Variants in DSCAML1 observed in about 807,000 individuals in gnomAD.
The protein encoded by DSCAML1 is DS cell adhesion molecule like 1.
DSCAML1 carries 38 observed loss-of-function variants against 200.5 expected under a neutral mutation model. The ratio of observed to expected loss-of-function variants is 0.19; its 90% CI spans 0.15 to 0.25. The LOEUF is 0.25. Among genes scored for constraint, DSCAML1 ranks in the 10% least tolerant of loss-of-function variants. The pLI is 1.00. For missense variants in DSCAML1, 2,223 were observed against 2,858.8 expected (o/e 0.78, Z 5.07); for synonymous variants, 1,215 against 1,165.0 (o/e 1.04, Z -0.87).
intron 3 of DSCAML1, among the ~76,000 whole-genome samples, chr11:117,670,139 T>C (rs866646245): frequency 7.9e-5 from 12 of 152,290 alleles, no homozygotes; most frequent in African/African-American, 2.9e-4. Context: ...CAGTATACTG[T>C]GGGGGCACCT....
chr11:117,745,361 C>G (rs572238294), intron 3 of DSCAML1, among the ~76,000 whole-genome samples: 1 of 152,238 alleles, frequency 6.6e-6, no homozygotes, highest in South Asian at 2.1e-4. Flanking sequence ...AAAAACAAAA[C>G]CAGGGCAGGC....
Position 117,779,459 on chromosome 11 carries a change from C to T in DSCAML1, c.364+1034G>A, listed in dbSNP as rs189088107. ...TACTCTTCCAAAGACCAAAATCCTT[C>T]ACTGCTAAAAGTCTTTCATCGTGAA... On this transcript the variant is annotated intron_variant, in intron 2 of 32. Coordinates refer to ENST00000651296, the MANE Select transcript of DSCAML1 (RefSeq NM_020693.4). Among the ~76,000 whole-genome samples the T allele has an allele frequency of 7.2e-5, 11 of 152,268 alleles. No individual in the cohort carries two copies. In the East Asian group the frequency reaches 1.9e-3, roughly 27 times the overall value.
chr11:117,499,743 G>A lies in DSCAML1; in HGVS notation c.2359+4102C>T, dbSNP rs566518164. 3.5e-4 allele frequency among the ~76,000 whole-genome samples: 54 copies of A among 152,208 alleles called. 1 individual carries two copies. Among genetic ancestry groups the A allele is most frequent in the Non-Finnish European group, 7.6e-4 (52 of 68,034 alleles). ...CACTCGTGAGTTCAACCCACACCAA[G>A]ACTCAGGGAGGAGTGGGGACCACTT... is the stretch of plus-strand genomic sequence containing the variant. On this transcript the variant is annotated intron_variant, in intron 11 of 32. Coordinates refer to ENST00000651296, the MANE Select transcript of DSCAML1 (RefSeq NM_020693.4).
intron 3 of DSCAML1, among the ~76,000 whole-genome samples, chr11:117,625,966 G>C (rs918570388): frequency 6.6e-6 from 1 of 152,346 alleles, no homozygotes; most frequent in Non-Finnish European, 1.5e-5. Context: ...TCCCATGCCT[G>C]TGGGCATGGT....
chr11:117,597,719 G>A (rs993254084), intron 3 of DSCAML1, among the ~76,000 whole-genome samples: 1 of 152,078 alleles, frequency 6.6e-6, no homozygotes, highest in Admixed American at 6.5e-5. Flanking sequence ...GCCTCCCAAA[G>A]TGCTGGTATT....
rs550981379 is a variant in DSCAML1 at position 117,697,089 on chromosome 11, C to T, written c.511+79702G>A. Among the ~76,000 whole-genome samples, 8 of 152,272 alleles carry T rather than the reference C, an allele frequency of 5.3e-5. No individual in the cohort carries two copies. The East Asian group carries it at 1.2e-3, about 22-fold the overall frequency. On this transcript the variant is annotated intron_variant, in intron 3 of 32. Coordinates refer to ENST00000651296, the MANE Select transcript of DSCAML1 (RefSeq NM_020693.4). Reference sequence around the variant, plus strand: ...TCTGGTAGTGTTAGTATTGTCATCTCGTTTTATCAATAAGGGAACCATGGC... The same window carrying T: ...TCTGGTAGTGTTAGTATTGTCATCTTGTTTTATCAATAAGGGAACCATGGC...
intron 3 of DSCAML1, among the ~76,000 whole-genome samples, chr11:117,714,828 A>AAAAT: frequency 6.7e-6 from 1 of 149,518 alleles, no homozygotes; most frequent in South Asian, 2.1e-4. Context: ...ATCTTGAGGA[A>AAAAT]AAAAAAAAAA....
At chr11:117,577,133 A>G (rs2050946883) in intron 3 of DSCAML1, among the ~76,000 whole-genome samples, 1 of 152,166 alleles carries the variant, frequency 6.6e-6, no homozygotes, top group African/African-American at 2.4e-5. Context: ...TACTGGTGTC[A>G]CCACCCGAGG....
Position 117,780,260 on chromosome 11 carries a change from G to GAAAGAAAGAA in DSCAML1, c.364+223_364+232dup, listed in dbSNP as rs2055219886. On this transcript the variant is annotated intron_variant, in intron 2 of 32. Transcript: ENST00000651296. The surrounding 1 kb of genome is among the most constrained non-coding windows in gnomAD (Gnocchi z 4.8). ...AGAAAGAAAGAAAGAAAGAAAGAAA[G>GAAAGAAAGAA]AAAGAAAGAAAGAAAGAAAGAAAGA... Among the ~76,000 whole-genome samples, 1 of 91,324 alleles carries GAAAGAAAGAA rather than the reference G, an allele frequency of 1.1e-5. No homozygotes were observed. The highest frequency in any genetic ancestry group is 3.5e-5 in the African/African-American group (1 of 28,430). The allele number at this position is 91,324 out of a possible 152,430, so 59.9% of individuals were successfully genotyped here. A position where few individuals can be genotyped will look rare whatever the true frequency, so the allele number is the denominator to read the frequency against.
At chr11:117,728,085 A>C (rs2054162240) in intron 3 of DSCAML1, among the ~76,000 whole-genome samples, 1 of 152,204 alleles carries the variant, frequency 6.6e-6, no homozygotes, top group Non-Finnish European at 1.5e-5. Flanking sequence ...GTGTACTATG[A>C]CCAAGTGGGA....
intron 32 of DSCAML1, among the ~76,000 whole-genome samples, chr11:117,429,986 CTCT>C (rs2094298241): frequency 1.3e-5 from 2 of 152,190 alleles, no homozygotes; most frequent in Non-Finnish European, 2.9e-5. Context: ...TTGTTCCAGG[CTCT>C]TCTTTCCATG....
chr11:117,758,740 G>GGATA lies in DSCAML1; in HGVS notation c.511+18047_511+18050dup, dbSNP rs557355816. Among the ~76,000 whole-genome samples, 15 of 152,174 alleles carry GGATA rather than the reference G, an allele frequency of 9.9e-5. No individual in the cohort carries two copies. The East Asian group carries it at 2.9e-3, about 29-fold the overall frequency. ...ATTGCCATCTTTGGTTATCTCTTAA[G>GGATA]GATAGAGCCTTACAGACACGGACAT... On this transcript the variant is annotated intron_variant, in intron 3 of 32. Transcript: ENST00000651296.
intron 3 of DSCAML1, among the ~76,000 whole-genome samples, chr11:117,564,817 G>C (rs2050728342): frequency 6.6e-6 from 1 of 151,030 alleles, no homozygotes; most frequent in East Asian, 1.9e-4. Flanking sequence ...CCAGGTTGGA[G>C]TGCAGTGGTG....
chr11:117,756,811 A>C (rs1565265808), intron 3 of DSCAML1, among the ~76,000 whole-genome samples: 1 of 151,906 alleles, frequency 6.6e-6, no homozygotes, highest in African/African-American at 2.4e-5. Flanking sequence ...CTCTGCTCAC[A>C]CCTTTTGTGG....
intron 3 of DSCAML1, among the ~76,000 whole-genome samples, chr11:117,576,950 C>T (rs1297421112): frequency 1.3e-5 from 2 of 152,234 alleles, no homozygotes; most frequent in African/African-American, 2.4e-5. Context: ...GTCCACTTTT[C>T]ACATGACTTG....
At chr11:117,681,021 T>C (rs1274653499) in intron 3 of DSCAML1, among the ~76,000 whole-genome samples, 2 of 152,140 alleles carry the variant, frequency 1.3e-5, no homozygotes, top group East Asian at 3.9e-4. Flanking sequence ...GCTCCCCACA[T>C]TCCCTCATCC....
intron 3 of DSCAML1, among the ~76,000 whole-genome samples, chr11:117,648,155 G>A (rs183646410): frequency 2.0e-4 from 31 of 152,152 alleles, no homozygotes; most frequent in African/African-American, 6.5e-4. Flanking sequence ...CCGTCTTTAC[G>A]CACTCATTCC....
At chr11:117,649,943 C>G (rs907820595) in intron 3 of DSCAML1, among the ~76,000 whole-genome samples, 1 of 152,234 alleles carries the variant, frequency 6.6e-6, no homozygotes, top group African/African-American at 2.4e-5. Context: ...CTGCCTTGAC[C>G]CTTCCTCATT....
chr11:117,630,302 C>T (rs555689605), intron 3 of DSCAML1, among the ~76,000 whole-genome samples: 3 of 152,260 alleles, frequency 2.0e-5, no homozygotes, highest in South Asian at 2.1e-4. Flanking sequence ...CCTGAACAGG[C>T]GTCGAATGCA....
Sources: allele counts gnomAD v4.1 joint callset (sites outside exome capture counted in the v4.1 genomes callset), GRCh38; gene constraint gnomAD v4.1.1; non-coding constraint Gnocchi (gnomAD v3.1); transcripts MANE v1.5; gene names NCBI Gene and HGNC (gene_info 2026-07-23, HGNC 2026-07-21).